Variants in DHX29 observed in about 807,000 individuals in gnomAD.
The protein encoded by DHX29 is ATP-dependent RNA helicase DHX29.
DHX29 carries 79 observed loss-of-function variants against 167.9 expected under a neutral mutation model. That is an observed-to-expected ratio of 0.47 (90% CI 0.39 to 0.57). The LOEUF is 0.57. DHX29 is among the 20% of genes least tolerant of loss of function. The pLI is 0.00. For missense variants in DHX29, 1,347 were observed against 1,593.4 expected (o/e 0.85, Z 2.63); for synonymous variants, 530 against 546.0 (o/e 0.97, Z 0.41).
At chr5:55,298,370 A>G (rs1369571776) in intron 2 of DHX29, among the ~76,000 whole-genome samples, 1 of 152,240 alleles carries the variant, frequency 6.6e-6, no homozygotes, top group Non-Finnish European at 1.5e-5. Flanking sequence ...TGTATATGCC[A>G]TGCTTAAGAA....
intron 25 of DHX29, among the ~76,000 whole-genome samples, chr5:55,260,727 A>G (rs952249696): frequency 4.6e-5 from 7 of 152,240 alleles, no homozygotes; most frequent in Non-Finnish European, 8.8e-5. Flanking sequence ...ACAAACAGCT[A>G]TCATAGAATA....
chr5:55,271,487 G>C (rs1294578054), intron 18 of DHX29, among the ~76,000 whole-genome samples: 1 of 152,200 alleles, frequency 6.6e-6, no homozygotes, highest in Non-Finnish European at 1.5e-5. Flanking sequence ...AAAAACATTA[G>C]CCGAGTGTGG....
chr5:55,261,753 C>T (rs970284188), intron 24 of DHX29, among the ~76,000 whole-genome samples: 4 of 151,978 alleles, frequency 2.6e-5, no homozygotes, highest in African/African-American at 9.7e-5. Context: ...ATACTTTGAA[C>T]ATAAAGGAAA....
At chr5:55,306,966 A>C (rs1748899427) in intron 1 of DHX29, among the ~76,000 whole-genome samples, 1 of 152,188 alleles carries the variant, frequency 6.6e-6, no homozygotes, top group Non-Finnish European at 1.5e-5. Context: ...GCATGGAGAC[A>C]CTAGATTGTT....
intron 1 of DHX29, among the ~76,000 whole-genome samples, chr5:55,302,233 T>C (rs1748641222): frequency 6.6e-6 from 1 of 152,168 alleles, no homozygotes; most frequent in African/African-American, 2.4e-5. Flanking sequence ...TCTTATCAAT[T>C]ATAGTAAGCT....
Position 55,269,564 on chromosome 5 carries a change from T to C in DHX29, c.3143A>G (p.Asn1048Ser), listed in dbSNP as rs920470626. Residue 1048 changes from asparagine to serine, a missense_variant, in exon 21 of 27, where the codon AAT becomes AGT. This residue lies in a region of DHX29 where 882 missense variants were observed against 1,082.4 expected (regional missense o/e 0.81). Coordinates refer to ENST00000251636, the MANE Select transcript of DHX29 (RefSeq NM_019030.4). ...AATTTTTCGGAGCAAATTCATTGCA[T>C]TGCTGATCACTTGGAGCTGAGGAGG... is the stretch of plus-strand genomic sequence containing the variant. ...LDPPQLQVIS[N>S]AMNLLRKIGA... 6 of 1,614,034 alleles carry C rather than the reference T, an allele frequency of 3.7e-6. No individual in the cohort carries two copies. The highest frequency in any genetic ancestry group is 2.2e-5 in the East Asian group (1 of 44,880).
At chr5:55,278,705 T>G (rs1747246779) in intron 12 of DHX29, among the ~76,000 whole-genome samples, 1 of 151,464 alleles carries the variant, frequency 6.6e-6, no homozygotes, top group Non-Finnish European at 1.5e-5. Context: ...GACTGAGGAA[T>G]GAGTATGAAA....
intron 5 of DHX29, 133 bp downstream of exon 5, chr5:55,295,246 A>G: frequency 1.4e-6 from 1 of 700,672 alleles, no homozygotes; most frequent in Non-Finnish European, 2.3e-6. Context: ...CAATGATAGA[A>G]AAGTCTAGCA....
At chr5:55,277,032 G>T in intron 13 of DHX29, 74 bp downstream of exon 13, 1 of 1,081,224 alleles carries the variant, frequency 9.2e-7, no homozygotes, top group Non-Finnish European at 1.4e-6. Flanking sequence ...CTGACTACAA[G>T]TGCCCATCTT....
Position 55,290,255 on chromosome 5 carries a change from T to C in DHX29, c.870A>G (p.Gln290=). The change falls in exon 7 of 27, where the codon CAA becomes CAG. Residue 290 remains glutamine, a synonymous_variant. Coordinates refer to ENST00000251636, the MANE Select transcript of DHX29 (RefSeq NM_019030.4). ...TFKLEKNKQG[Q]KEAQEKIRKF... is the part of the protein sequence containing the mutation. The stretch of plus-strand genomic sequence containing the variant: ...TCCTTATTTTTTCCTGAGCCTCTTT[T>C]TGGCCTTGCTTGTTTTTTTCTAGTT... The C allele has an allele frequency of 6.2e-7, 1 of 1,611,592 alleles. No individual in the cohort carries two copies. The highest frequency in any genetic ancestry group is 1.1e-5 in the South Asian group (1 of 90,698).
At chr5:55,293,471 T>C (rs1053670781) in intron 6 of DHX29, among the ~76,000 whole-genome samples, 25 of 152,226 alleles carry the variant, frequency 1.6e-4, no homozygotes, top group Admixed American at 6.5e-5. Flanking sequence ...CTTTTAGTTT[T>C]AGCCATTCTG....
In DHX29 at chr5:55,307,376, A is replaced by G. The variant is rs766770397; in HGVS notation, c.187+11T>C. ...AGGGCAGACAGCCAGGGGCTGGGGGACCTCTCGTACCTTGCTTGACACGGG... is the reference window on the plus strand; with the variant it reads ...AGGGCAGACAGCCAGGGGCTGGGGGGCCTCTCGTACCTTGCTTGACACGGG... On this transcript the variant is annotated intron_variant, in intron 1 of 26. Coordinates refer to ENST00000251636, the MANE Select transcript of DHX29 (RefSeq NM_019030.4). 2.5e-6 allele frequency: 4 copies of G among 1,608,498 alleles called. No individual in the cohort carries two copies. Among genetic ancestry groups the G allele is most frequent in the Non-Finnish European group, 2.5e-6 (3 of 1,176,830 alleles).
chr5:55,276,842 T>C (rs1046138306), intron 13 of DHX29, among the ~76,000 whole-genome samples: 1 of 152,134 alleles, frequency 6.6e-6, no homozygotes, highest in African/African-American at 2.4e-5. Flanking sequence ...ACTCTTAATC[T>C]GAATATAATG....
chr5:55,269,932 G>A (rs1029178054), intron 20 of DHX29, among the ~76,000 whole-genome samples: 1 of 152,074 alleles, frequency 6.6e-6, no homozygotes, highest in Non-Finnish European at 1.5e-5. Flanking sequence ...AAGAACTGAA[G>A]GATATTATAG....
At chr5:55,283,905 A>G in intron 10 of DHX29, 94 bp from the exon 11 acceptor site, 1 of 1,042,302 alleles carries the variant, frequency 9.6e-7, no homozygotes, top group Non-Finnish European at 1.3e-6. Flanking sequence ...ATTCATCTTA[A>G]AATATAATTT....
rs113714433 is a variant in DHX29, at chr5:55,269,298, C to A, written c.3294+115G>T. 994 of 878,880 alleles carry A rather than the reference C, an allele frequency of 1.1e-3. 8 individuals are homozygous for A. In the Middle Eastern group the frequency reaches 0.012, roughly 11 times the overall value. 54.4% of individuals were successfully genotyped at this position (878,880 alleles called of 1,614,324 possible). On this transcript the variant is annotated intron_variant, in intron 21 of 26. Transcript: ENST00000251636. Reference sequence around the variant, plus strand: ...TTCAGGCCCTCTCGGTTTTAATGTTCGTATAGACATTCTATTTAGTTAAAA... The same window carrying A: ...TTCAGGCCCTCTCGGTTTTAATGTTAGTATAGACATTCTATTTAGTTAAAA...
intron 14 of DHX29, among the ~76,000 whole-genome samples, chr5:55,275,220 T>G (rs1344012507): frequency 6.6e-6 from 1 of 152,188 alleles, no homozygotes; most frequent in Admixed American, 6.5e-5. Context: ...TTTAATGTCA[T>G]CCAGCCCTTA....
In DHX29 at chr5:55,274,999, T is replaced by A; in HGVS notation, c.2439A>T (p.Pro813=). 6.2e-7 allele frequency: 1 copy of A among 1,611,760 alleles called. No homozygotes were observed. Among genetic ancestry groups the A allele is most frequent in the East Asian group, 2.2e-5 (1 of 44,804 alleles). Residue 813 remains proline, a synonymous_variant, in exon 15 of 27, where the codon CCA becomes CCT. Transcript: ENST00000251636. Reference sequence around the variant, plus strand: ...AATCAGCATGTGCTCCAGTCTGAACTGGGATGTATTCCTAAAAGAAATCCA... The same window carrying A: ...AATCAGCATGTGCTCCAGTCTGAACAGGGATGTATTCCTAAAAGAAATCCA... ...GGIKKYQEYI[P]VQTGAHADLN... is the part of the protein sequence containing the mutation.
At chr5:55,282,280 C>G (rs1451797473) in intron 11 of DHX29, among the ~76,000 whole-genome samples, 1 of 152,166 alleles carries the variant, frequency 6.6e-6, no homozygotes, top group Admixed American at 6.5e-5. Context: ...CTATCAAGAT[C>G]TCATAAAATT....
Sources: gnomAD v4.1 joint callset for allele counts (sites outside exome capture counted in the v4.1 genomes callset) on GRCh38, gnomAD v4.1.1 for gene constraint, gnomAD v4.1.1 regional missense constraint, MANE v1.5 for transcripts, NCBI Gene and HGNC (gene_info 2026-07-23, HGNC 2026-07-21) for gene names.